CCDC88A: variants seen among roughly 807,000 people sequenced by gnomAD.
CCDC88A encodes the protein coiled-coil and HOOK domain protein 88A, also known as girdin.
In CCDC88A, 54 loss-of-function variants were observed where a neutral mutation model predicts 234.3. The observed-to-expected ratio is 0.23, with a 90% CI of 0.19 to 0.29. The LOEUF is 0.29. Among genes scored for constraint, CCDC88A ranks in the 10% least tolerant of loss-of-function variants. The probability of loss-of-function intolerance (pLI) is 1.00; values close to 1 mark genes in which losing one functional copy is unlikely to be tolerated. For missense variants in CCDC88A, 1,832 were observed against 2,123.4 expected (o/e 0.86, Z 2.70); for synonymous variants, 753 against 737.8 (o/e 1.02, Z -0.33).
intron 12 of CCDC88A, chr2:55,339,925 G>C: frequency 4.3e-6 from 1 of 234,468 alleles, no homozygotes; most frequent in Non-Finnish European, 8.1e-6. Context: ...TCAAACGCCT[G>C]GTCTGAAGGG....
intron 29 of CCDC88A, among the ~76,000 whole-genome samples, chr2:55,299,481 A>G: frequency 6.6e-6 from 1 of 152,204 alleles, no homozygotes; most frequent in East Asian, 1.9e-4. Flanking sequence ...TATTTCTAAA[A>G]TATGAGTAAT....
chr2:55,312,320 A>G, intron 23 of CCDC88A, 114 bp downstream of exon 23: 1 of 912,136 alleles, frequency 1.1e-6, no homozygotes, highest in Non-Finnish European at 1.7e-6. Flanking sequence ...TAAGCACTCA[A>G]AAATATTTGT....
At chr2:55,408,431 T>A (rs778252497) in intron 2 of CCDC88A, among the ~76,000 whole-genome samples, 26 of 151,904 alleles carry the variant, frequency 1.7e-4, no homozygotes, top group Non-Finnish European at 2.9e-4. Context: ...AGATAAGAGG[T>A]TGGCACAAGA....
At chr2:55,307,865 G>A (rs1681813809) in intron 25 of CCDC88A, 1 of 151,076 alleles carries the variant, frequency 6.6e-6, no homozygotes. Flanking sequence ...TTGACCCACT[G>A]AAAACCTTCG....
In CCDC88A at chr2:55,401,499, CATATATATATATATATAT is replaced by C. The variant is rs70954117; in HGVS notation, c.165-12631_165-12614del. ...GTGTGTATGTATGTGTGTGTGTATA[CATATATATATATATATAT>C]ATATATATATATATATATATATTCC... On this transcript the variant is annotated intron_variant, in intron 2 of 32. Coordinates refer to ENST00000436346, the MANE Select transcript of CCDC88A (RefSeq NM_001365480.1). Among the ~76,000 whole-genome samples the C allele has an allele frequency of 2.2e-3, 118 of 54,602 alleles. 16 individuals are homozygous for C. The highest frequency in any genetic ancestry group is 5.7e-3 in the South Asian group (9 of 1,572). The allele number at this position is 54,602 out of a possible 152,430, so 35.8% of individuals were successfully genotyped here. A position where few individuals can be genotyped will look rare whatever the true frequency, so the allele number is the denominator to read the frequency against.
At position 55,296,460 on chromosome 2, in the gene CCDC88A, T is replaced by C; in HGVS notation, c.4889A>G (p.His1630Arg). The C allele has an allele frequency of 1.9e-6, 3 of 1,614,226 alleles. No individual in the cohort carries two copies. The highest frequency in any genetic ancestry group is 1.7e-5 in the Admixed American group (1 of 60,022). The part of the protein sequence containing the change: ...SHSSGEFSLL[H>R]DHEAWSSSGS... Reference sequence around the variant, plus strand: ...ACTGCTGGACCAAGCCTCATGGTCATGAAGCAGGCTAAATTCTCCACTGCT... The same window carrying C: ...ACTGCTGGACCAAGCCTCATGGTCACGAAGCAGGCTAAATTCTCCACTGCT... Residue 1630 changes from histidine (H) to arginine (R), a missense_variant, in exon 30 of 33, where the codon CAT becomes CGT. Physicochemically the swap from His to Arg is conservative, Grantham distance 29 (BLOSUM62 0). This residue lies in a region of CCDC88A where 422 missense variants were observed against 416.5 expected (regional missense o/e 1.01). Coordinates refer to ENST00000436346, the MANE Select transcript of CCDC88A (RefSeq NM_001365480.1).
At chr2:55,367,430 T>C (rs1672137220) in intron 5 of CCDC88A, among the ~76,000 whole-genome samples, 1 of 151,984 alleles carries the variant, frequency 6.6e-6, no homozygotes, top group African/African-American at 2.4e-5. Flanking sequence ...TTGAAAACAA[T>C]ACTTGTATCA....
In CCDC88A at chr2:55,317,978, G is replaced by C. The variant is rs1683178250; in HGVS notation, c.3325-137C>G. The stretch of plus-strand genomic sequence containing the variant: ...TATTTACATTATACTGGGAAGACGT[G>C]GATTTTAGCTTCCCAAAGAATAAGG... On this transcript the variant is annotated intron_variant, in intron 19 of 32. Transcript: ENST00000436346. This position sits in a 1 kb window ranked among gnomAD's most constrained non-coding sequence, Gnocchi z 4.2. 1.3e-5 allele frequency: 8 copies of C among 606,462 alleles called. No homozygotes were observed. The South Asian group carries it at 2.3e-4, about 18-fold the overall frequency. The allele number at this position is 606,462 out of a possible 1,614,324, so 37.6% of individuals were successfully genotyped here. A position where few individuals can be genotyped will look rare whatever the true frequency, so the allele number is the denominator to read the frequency against.
At position 55,336,764 on chromosome 2, in the gene CCDC88A, G is replaced by T; in HGVS notation, c.1573C>A (p.Gln525Lys). ...TTCATTAGATCCTTGCTTAAATTCT[G>T]ACAATTCTGAAGACTTTGCTTTTCT... ...VQEKQSLQNC[Q>K]NLSKDLMKEK... is the part of the protein sequence containing the mutation. The change falls in exon 14 of 33, where the codon CAG becomes AAG. Residue 525 changes from glutamine to lysine, a missense_variant. By Grantham distance (53) the Gln-to-Lys change is moderately conservative. Around this residue, in one of 6 missense-constraint regions of CCDC88A, gnomAD observed 1,282 missense variants for 1,543.6 expected, o/e 0.83. Coordinates refer to ENST00000436346, the MANE Select transcript of CCDC88A (RefSeq NM_001365480.1). The T allele has an allele frequency of 1.3e-6, 2 of 1,593,018 alleles. No homozygotes were observed.
At chr2:55,296,155 T>A in intron 30 of CCDC88A, 99 bp from the exon 31 acceptor site, 1 of 1,299,114 alleles carries the variant, frequency 7.7e-7, no homozygotes, top group Non-Finnish European at 1.0e-6. Flanking sequence ...TGGTACCTCT[T>A]AATACTCCTT....
intron 2 of CCDC88A, among the ~76,000 whole-genome samples, chr2:55,411,030 A>C (rs936659401): frequency 1.3e-5 from 2 of 152,240 alleles, no homozygotes; most frequent in African/African-American, 4.8e-5. Context: ...TTCAGGATTT[A>C]AACTTTCAAG....
intron 2 of CCDC88A, among the ~76,000 whole-genome samples, chr2:55,410,045 TC>T (rs548470655): frequency 1.4e-3 from 207 of 152,144 alleles, no homozygotes; most frequent in Non-Finnish European, 2.6e-3. Flanking sequence ...CTGGCCTACC[TC>T]CCCACTTTTA....
intron 23 of CCDC88A, among the ~76,000 whole-genome samples, chr2:55,311,066 G>C (rs1682292683): frequency 6.6e-6 from 1 of 152,202 alleles, no homozygotes; most frequent in African/African-American, 2.4e-5. Context: ...ACCTGGAAAT[G>C]TATTAGTCAC....
intron 2 of CCDC88A, among the ~76,000 whole-genome samples, chr2:55,391,490 T>C (rs1414716803): frequency 6.6e-6 from 1 of 151,902 alleles, no homozygotes; most frequent in African/African-American, 2.4e-5. Context: ...ATGAAAAAGA[T>C]CATGGAAATA....
At chr2:55,396,374 C>T (rs560443567) in intron 2 of CCDC88A, among the ~76,000 whole-genome samples, 2 of 152,268 alleles carry the variant, frequency 1.3e-5, no homozygotes, top group South Asian at 2.1e-4. Flanking sequence ...GAATCCCTTA[C>T]ATACCTCTCA....
At position 55,296,268 on chromosome 2, in the gene CCDC88A, G is replaced by T; in HGVS notation, c.5081C>A (p.Thr1694Asn). 2 of 1,613,936 alleles carry T rather than the reference G, an allele frequency of 1.2e-6. No homozygotes were observed. Among genetic ancestry groups the T allele is most frequent in the Non-Finnish European group, 1.7e-6 (2 of 1,179,958 alleles). Residue 1694 changes from threonine (T) to asparagine (N), a missense_variant, in exon 30 of 33, where the codon ACC (threonine) becomes AAC (asparagine). By Grantham distance (65) the Thr-to-Asn change is moderately conservative. Coordinates refer to ENST00000436346, the MANE Select transcript of CCDC88A (RefSeq NM_001365480.1). ...ATAGATAAAACTAACCTGTACTGAG[G>T]TAAGCTTATTGCTTTCTTCCAAAAA... ...QQFLEESNKL[T>N]SVQIKSSSQE...
intron 2 of CCDC88A, among the ~76,000 whole-genome samples, chr2:55,409,551 T>C (rs147552807): frequency 1.5e-3 from 224 of 152,262 alleles, no homozygotes; most frequent in African/African-American, 5.2e-3. Context: ...ACACAGTAAG[T>C]ACTTAGAAAC....
intron 5 of CCDC88A, among the ~76,000 whole-genome samples, chr2:55,366,119 CTT>C (rs1671905326): frequency 6.6e-6 from 1 of 152,110 alleles, no homozygotes; most frequent in South Asian, 2.1e-4. Context: ...ATTAAGCTCT[CTT>C]ATCTTTATGT....
At position 55,317,390 on chromosome 2, in the gene CCDC88A, A is replaced by C. The variant is rs75392312; in HGVS notation, c.3603-41T>G. 1 of 1,381,728 alleles carries C rather than the reference A, an allele frequency of 7.2e-7. No individual in the cohort carries two copies. Among genetic ancestry groups the C allele is most frequent in the Non-Finnish European group, 9.6e-7 (1 of 1,045,640 alleles). 85.6% of individuals were successfully genotyped at this position (1,381,728 alleles called of 1,614,324 possible). Reference sequence around the variant, plus strand: ...GCATTTGGTTTATAATATTTACAAAAAAGAAATTTTAGAAATGAAGGAAAT... The same window carrying C: ...GCATTTGGTTTATAATATTTACAAACAAGAAATTTTAGAAATGAAGGAAAT... On this transcript the variant is annotated intron_variant, in intron 20 of 32. Coordinates refer to ENST00000436346, the MANE Select transcript of CCDC88A (RefSeq NM_001365480.1). The surrounding 1 kb of genome is among the most constrained non-coding windows in gnomAD (Gnocchi z 4.2).
Sources: allele counts gnomAD v4.1 joint callset (sites outside exome capture counted in the v4.1 genomes callset), GRCh38; gene constraint gnomAD v4.1.1; regional missense constraint gnomAD v4.1.1; non-coding constraint Gnocchi (gnomAD v3.1); transcripts MANE v1.5; gene names NCBI Gene and HGNC (gene_info 2026-07-23, HGNC 2026-07-21).